CRKL: variants seen among roughly 807,000 people sequenced by gnomAD.
CRKL encodes the protein CRK like proto-oncogene, adaptor protein, also known as crk-like protein.
In CRKL, 3 loss-of-function variants were observed where a neutral mutation model predicts 23.0. The observed-to-expected ratio is 0.13, with a 90% CI of 0.06 to 0.34. The LOEUF (loss-of-function observed/expected upper bound fraction) is 0.34. CRKL is among the 10% of genes least tolerant of loss of function. The probability of loss-of-function intolerance (pLI) is 1.00; values close to 1 mark genes in which losing one functional copy is unlikely to be tolerated. For synonymous variants in CRKL, 188 were observed against 160.7 expected, an observed-to-expected ratio of 1.17 and a Z score of -1.28; for missense variants, 256 against 394.5, an observed-to-expected ratio of 0.65 and a Z score of 2.97.
At chr22:20,931,844 C>T (rs915957897) in intron 1 of CRKL, among the ~76,000 whole-genome samples, 12 of 152,076 alleles carry the variant, frequency 7.9e-5, no homozygotes, top group Non-Finnish European at 1.5e-4. Context: ...CGGAGTCTCG[C>T]TCTGTCACCC....
Position 20,933,956 on chromosome 22 carries a change from C to T in CRKL, c.489C>T (p.Ala163=), listed in dbSNP as rs183244835. 2.5e-6 allele frequency: 4 copies of T among 1,614,142 alleles called. No homozygotes were observed. In the African/African-American group the frequency reaches 5.3e-5, roughly 22 times the overall value. The change falls in exon 2 of 3, where the codon GCC becomes GCT. Residue 163 remains alanine, a synonymous_variant. Transcript: ENST00000354336. ...IEKPEEQWWS[A]RNKDGRVGMI... is the part of the protein sequence containing the mutation. ...AGCCTGAAGAACAGTGGTGGAGTGCCCGGAACAAGGATGGCCGGGTTGGGA... is the reference window on the plus strand; with the variant it reads ...AGCCTGAAGAACAGTGGTGGAGTGCTCGGAACAAGGATGGCCGGGTTGGGA...
intron 1 of CRKL, among the ~76,000 whole-genome samples, chr22:20,930,805 C>T (rs989782603): frequency 3.4e-5 from 5 of 149,160 alleles, no homozygotes; most frequent in Non-Finnish European, 7.4e-5. Flanking sequence ...CTCAGCCTCC[C>T]GAGTGGCTGG....
intron 2 of CRKL, among the ~76,000 whole-genome samples, chr22:20,937,029 T>C (rs552181433): frequency 6.6e-6 from 1 of 152,190 alleles, no homozygotes; most frequent in African/African-American, 2.4e-5. Context: ...CCCAACTGTT[T>C]TTAGTAGAGA....
In CRKL at chr22:20,933,905, G is replaced by T. The variant is rs775479004; in HGVS notation, c.438G>T (p.Lys146Asn). Residue 146 changes from lysine to asparagine, a missense_variant, in exon 2 of 3, where the codon AAG becomes AAT. By Grantham distance (94) the Lys-to-Asn change is moderately conservative (BLOSUM62 0). Transcript: ENST00000354336. ...ATGCCGAAGACCTGCCCTTTAAAAAGGGTGAGATCCTAGTGATAATAGAGA... is the reference window on the plus strand; with the variant it reads ...ATGCCGAAGACCTGCCCTTTAAAAATGGTGAGATCCTAGTGATAATAGAGA... ...GNDAEDLPFK[K>N]GEILVIIEKP... is the part of the protein sequence containing the mutation. 6.2e-7 allele frequency: 1 copy of T among 1,614,154 alleles called. No homozygotes were observed. Among genetic ancestry groups the T allele is most frequent in the Non-Finnish European group, 8.5e-7 (1 of 1,180,032 alleles).
In CRKL at chr22:20,952,756, C is replaced by T. The variant is rs1922325862; in HGVS notation, c.*2911C>T. 1 of 231,834 alleles carries T rather than the reference C, an allele frequency of 4.3e-6. No homozygotes were observed. The highest frequency in any genetic ancestry group is 8.5e-6 in the Non-Finnish European group (1 of 117,284). The allele number at this position is 231,834 out of a possible 1,614,324, so 14.4% of individuals were successfully genotyped here. On this transcript the variant is annotated 3_prime_UTR_variant, in exon 3 of 3. Coordinates refer to ENST00000354336, the MANE Select transcript of CRKL (RefSeq NM_005207.4). Reference sequence around the variant, plus strand: ...ACCTGGGAAGGAAACAAATTACGTACTAGAGGGCATTGACTGGTTAAAAAC... The same window carrying T: ...ACCTGGGAAGGAAACAAATTACGTATTAGAGGGCATTGACTGGTTAAAAAC...
At chr22:20,923,601 A>G (rs1601673444) in intron 1 of CRKL, among the ~76,000 whole-genome samples, 2 of 104,384 alleles carry the variant, frequency 1.9e-5, no homozygotes, top group African/African-American at 3.9e-5. Flanking sequence ...TTTGAGACAG[A>G]GTCTTGCTCT....
intron 2 of CRKL, among the ~76,000 whole-genome samples, chr22:20,945,682 A>C (rs561337010): frequency 6.6e-6 from 1 of 152,298 alleles, no homozygotes; most frequent in South Asian, 2.1e-4. Context: ...ACAGACAGGG[A>C]GCCTAGCCCT....
At chr22:20,922,006 CTTTTTTTTT>C (rs66728040) in intron 1 of CRKL, among the ~76,000 whole-genome samples, 8,245 of 70,362 alleles carry the variant, frequency 0.12, 314 homozygotes, top group East Asian at 0.17. Context: ...CTGCGCCCGG[CTTTTTTTTT>C]TTTTTTTTTT....
intron 1 of CRKL, among the ~76,000 whole-genome samples, chr22:20,930,628 C>T (rs573419477): frequency 2.6e-5 from 4 of 150,950 alleles, no homozygotes; most frequent in East Asian, 2.0e-4. Context: ...GTGATCCTCC[C>T]GCCTCGGCCT....
At position 20,949,333 on chromosome 22, in the gene CRKL, C is replaced by A. The variant is rs1192129746; in HGVS notation, c.778-378C>A. On this transcript the variant is annotated intron_variant, in intron 2 of 2. Transcript: ENST00000354336. Reference sequence around the variant, plus strand: ...GAAGAGATGAGGTTTCACCATGTTGCCCAGGCTGGTCTCGAACTCCTGACC... The same window carrying A: ...GAAGAGATGAGGTTTCACCATGTTGACCAGGCTGGTCTCGAACTCCTGACC... Among the ~76,000 whole-genome samples the A allele has an allele frequency of 3.3e-5, 5 of 152,288 alleles. No homozygotes were observed. The South Asian group carries it at 6.2e-4, about 19-fold the overall frequency.
intron 2 of CRKL, among the ~76,000 whole-genome samples, chr22:20,936,149 G>C (rs1921651987): frequency 6.6e-6 from 1 of 152,086 alleles, no homozygotes; most frequent in Non-Finnish European, 1.5e-5. Flanking sequence ...AATAGGGTGA[G>C]ACCCTATCTC....
chr22:20,948,625 A>G (rs1437032954), intron 2 of CRKL, among the ~76,000 whole-genome samples: 1 of 152,136 alleles, frequency 6.6e-6, no homozygotes, highest in Non-Finnish European at 1.5e-5. Flanking sequence ...GCATGCTCCA[A>G]AGTTCATGGC....
chr22:20,934,805 A>ATTT (rs67055933), intron 2 of CRKL, among the ~76,000 whole-genome samples: 26 of 98,528 alleles, frequency 2.6e-4, no homozygotes, highest in Admixed American at 3.7e-4. Flanking sequence ...AGAGGAATGA[A>ATTT]TTTTTTTTTT....
rs771847095 is a variant in CRKL at position 20,917,925 on chromosome 22, GT to G, written c.-9del. ...CGCCCCTACCGCCGCAGAGTCCCCGGTCCAACACCATGTCCTCCGCCAGGTT... is the reference window on the plus strand; with the variant it reads ...CGCCCCTACCGCCGCAGAGTCCCCGGCCAACACCATGTCCTCCGCCAGGTT... On this transcript the variant is annotated 5_prime_UTR_variant, in exon 1 of 3. Coordinates refer to ENST00000354336, the MANE Select transcript of CRKL (RefSeq NM_005207.4). The G allele has an allele frequency of 6.2e-7, 1 of 1,611,878 alleles. No individual in the cohort carries two copies.
At position 20,952,573 on chromosome 22, in the gene CRKL, C is replaced by G. The variant is rs1922317415; in HGVS notation, c.*2728C>G. The G allele has an allele frequency of 8.6e-6, 2 of 232,770 alleles. No individual in the cohort carries two copies. The highest frequency in any genetic ancestry group is 1.1e-4 in the Admixed American group (2 of 17,768). The allele number at this position is 232,770 out of a possible 1,614,324, so 14.4% of individuals were successfully genotyped here. On this transcript the variant is annotated 3_prime_UTR_variant, in exon 3 of 3. Coordinates refer to ENST00000354336, the MANE Select transcript of CRKL (RefSeq NM_005207.4). ...ATGCAGCACTGCTGCCTCAGCTCAG[C>G]TTCGTGCCTGGGTTCCCCACTGGTC...
At chr22:20,932,808 G>T (rs913585737) in intron 1 of CRKL, among the ~76,000 whole-genome samples, 47 of 152,270 alleles carry the variant, frequency 3.1e-4, no homozygotes, top group African/African-American at 1.1e-3. Flanking sequence ...CAGGCGTGGT[G>T]GCTCACACCT....
chr22:20,929,038 C>G (rs1921340081), intron 1 of CRKL, among the ~76,000 whole-genome samples: 1 of 152,082 alleles, frequency 6.6e-6, no homozygotes, highest in Non-Finnish European at 1.5e-5. Context: ...AAAGAAAAGT[C>G]AGTTACGAAT....
chr22:20,950,120 A>G lies in CRKL; in HGVS notation c.*275A>G, dbSNP rs737894. 326,653 of 412,524 alleles carry G rather than the reference A, an allele frequency of 0.79. 130,613 individuals are homozygous for G. Among genetic ancestry groups the G allele is most frequent in the East Asian group, 0.92 (20,619 of 22,348 alleles). 25.6% of individuals were successfully genotyped at this position (412,524 alleles called of 1,614,324 possible). A position where few individuals can be genotyped will look rare whatever the true frequency, so the allele number is the denominator to read the frequency against. ...AGCACACAAGTGGAGAGAAGTTGAC[A>G]TGGAAAGGGTCTTCCTTCTCATTGC... On this transcript the variant is annotated 3_prime_UTR_variant, in exon 3 of 3. Coordinates refer to ENST00000354336, the MANE Select transcript of CRKL (RefSeq NM_005207.4).
At chr22:20,932,004 G>A (rs1011071672) in intron 1 of CRKL, among the ~76,000 whole-genome samples, 4 of 151,806 alleles carry the variant, frequency 2.6e-5, no homozygotes, top group Admixed American at 1.3e-4. Flanking sequence ...GTAGAGACGG[G>A]GTTTCACCGT....
Sources: allele counts gnomAD v4.1 joint callset (sites outside exome capture counted in the v4.1 genomes callset), GRCh38; gene constraint gnomAD v4.1.1; transcripts MANE v1.5; gene names NCBI Gene and HGNC (gene_info 2026-07-23, HGNC 2026-07-21).